The following MEGF11 variants were observed in gnomAD, a reference collection of about 807,000 sequenced individuals.
MEGF11 encodes the protein multiple epidermal growth factor-like domains protein 11.
In MEGF11, 126 loss-of-function variants were observed where a neutral mutation model predicts 146.6. The ratio of observed to expected loss-of-function variants is 0.86; its 90% confidence interval spans 0.74 to 1.00. The LOEUF is 1.00. MEGF11 is among the 50% of genes least tolerant of loss of function. The probability of loss-of-function intolerance (pLI) is 0.00; values close to 1 mark genes in which losing one functional copy is unlikely to be tolerated. For synonymous variants in MEGF11, 532 were observed against 583.4 expected (o/e 0.91, Z 1.27); for missense variants, 1,509 against 1,521.2 (o/e 0.99, Z 0.13).
In MEGF11 at chr15:66,128,408, G is replaced by C. The variant is rs1403343221; in HGVS notation, c.-5C>G. ...CCCCGTCAGGGAGAGCACCATCCCG[G>C]GCCCTGCACAGGAGAACAAAGGAGG... On this transcript the variant is annotated 5_prime_UTR_variant, in exon 2 of 26. Coordinates refer to ENST00000395614, the MANE Select transcript of MEGF11 (RefSeq NM_001385028.1). 6.8e-7 allele frequency: 1 copy of C among 1,477,932 alleles called. No homozygotes were observed. Among genetic ancestry groups the C allele is most frequent in the Middle Eastern group, 1.8e-4 (1 of 5,704 alleles). The allele number at this position is 1,477,932 out of a possible 1,614,324, so 91.6% of individuals were successfully genotyped here. A position where few individuals can be genotyped will look rare whatever the true frequency, so the allele number is the denominator to read the frequency against.
chr15:66,228,684 A>T (rs2091902763), intron 1 of MEGF11, among the ~76,000 whole-genome samples: 1 of 152,066 alleles, frequency 6.6e-6, no homozygotes, highest in Admixed American at 6.5e-5. Flanking sequence ...ACCTTATCAC[A>T]CTGTTGCCAG....
At chr15:66,222,616 G>C (rs996650512) in intron 1 of MEGF11, among the ~76,000 whole-genome samples, 1 of 152,206 alleles carries the variant, frequency 6.6e-6, no homozygotes, top group African/African-American at 2.4e-5. Context: ...CTGGTTTGTA[G>C]TAGGCTGGCT....
intron 1 of MEGF11, among the ~76,000 whole-genome samples, chr15:66,167,471 G>A (rs2090128168): frequency 6.6e-6 from 1 of 151,992 alleles, no homozygotes; most frequent in Non-Finnish European, 1.5e-5. Flanking sequence ...GAGAAACTCC[G>A]TCTCTACTAA....
chr15:66,158,535 G>A (rs894113325), intron 1 of MEGF11, among the ~76,000 whole-genome samples: 11 of 152,182 alleles, frequency 7.2e-5, no homozygotes, highest in Non-Finnish European at 1.2e-4. Flanking sequence ...GCACCCCTCC[G>A]GGGCCCCAAA....
At chr15:66,021,288 A>G (rs937283876) in intron 5 of MEGF11, among the ~76,000 whole-genome samples, 2 of 152,212 alleles carry the variant, frequency 1.3e-5, no homozygotes, top group African/African-American at 2.4e-5. Flanking sequence ...GGCAGGCCAA[A>G]TGTTCCTCTC....
chr15:66,088,383 G>T (rs948690424), intron 5 of MEGF11, among the ~76,000 whole-genome samples: 1 of 152,216 alleles, frequency 6.6e-6, no homozygotes, highest in African/African-American at 2.4e-5. Flanking sequence ...GGGGCTGGGC[G>T]CAATGGCTCA....
At chr15:66,222,710 A>G (rs78421816) in intron 1 of MEGF11, among the ~76,000 whole-genome samples, 3,124 of 152,358 alleles carry the variant, frequency 0.021, 92 homozygotes, top group African/African-American at 0.071. Flanking sequence ...AAGAAGGTAT[A>G]TAAGTGACCA....
chr15:66,039,970 G>T (rs973208071), intron 5 of MEGF11, among the ~76,000 whole-genome samples: 1 of 135,004 alleles, frequency 7.4e-6, no homozygotes, highest in Non-Finnish European at 1.6e-5. Context: ...GTCAGGCGGC[G>T]GTGGGGTGAC....
At chr15:66,118,942 C>A in intron 4 of MEGF11, 144 bp downstream of exon 4, 2 of 617,054 alleles carry the variant, frequency 3.2e-6, no homozygotes, top group East Asian at 2.7e-5. Context: ...TGAGCACTGG[C>A]AGCAGGCAGG....
chr15:65,952,515 TG>T (rs753523476), intron 10 of MEGF11, among the ~76,000 whole-genome samples: 50 of 152,320 alleles, frequency 3.3e-4, no homozygotes, highest in Admixed American at 2.0e-3. Flanking sequence ...GCCTGACCAC[TG>T]TGTCATATGA....
intron 1 of MEGF11, among the ~76,000 whole-genome samples, chr15:66,175,435 A>AGTC (rs2090367481): frequency 1.3e-5 from 2 of 152,218 alleles, no homozygotes; most frequent in African/African-American, 4.8e-5. Flanking sequence ...GCAAAGCTAT[A>AGTC]GTAACCAAAA....
chr15:65,946,704 T>C (rs181350826), intron 10 of MEGF11, among the ~76,000 whole-genome samples: 1 of 152,316 alleles, frequency 6.6e-6, no homozygotes, highest in African/African-American at 2.4e-5. Context: ...GCGTGCTGGT[T>C]CTTATTCTGT....
At chr15:66,011,744 T>G (rs2082718091) in intron 5 of MEGF11, among the ~76,000 whole-genome samples, 1 of 120,978 alleles carries the variant, frequency 8.3e-6, no homozygotes, top group Non-Finnish European at 1.9e-5. Context: ...ATTATTATTA[T>G]TATTAAACAA....
At chr15:65,916,377 T>C (rs1405952017) in intron 17 of MEGF11, 101 bp from the exon 18 acceptor site, 3 of 1,405,854 alleles carry the variant, frequency 2.1e-6, no homozygotes, top group Non-Finnish European at 2.9e-6. Flanking sequence ...TTGCTGAGCA[T>C]GGGATGAAGA....
At chr15:65,898,250 A>G in intron 25 of MEGF11, 156 bp from the exon 26 acceptor site, 2 of 985,420 alleles carry the variant, frequency 2.0e-6, no homozygotes, top group Non-Finnish European at 2.4e-6. Flanking sequence ...TGCTCAGGAG[A>G]TGGAAAACTA....
In MEGF11 at chr15:66,048,720, G is replaced by A. The variant is rs117845173; in HGVS notation, c.394+45682C>T. Among the ~76,000 whole-genome samples the A allele has an allele frequency of 4.7e-3, 710 of 152,316 alleles. 4 individuals carry two copies. The highest frequency in any genetic ancestry group is 8.1e-3 in the Non-Finnish European group (550 of 68,020). On this transcript the variant is annotated intron_variant, in intron 5 of 25. Transcript: ENST00000395614. Reference sequence around the variant, plus strand: ...GGAGGGAAAGGCCTGGCCCTCTAAGGGTCCCAGATGGGCAAGTGAGTCCAC... The same window carrying A: ...GGAGGGAAAGGCCTGGCCCTCTAAGAGTCCCAGATGGGCAAGTGAGTCCAC...
intron 13 of MEGF11, among the ~76,000 whole-genome samples, chr15:65,927,240 A>C (rs1333489062): frequency 6.6e-6 from 1 of 152,120 alleles, no homozygotes; most frequent in Non-Finnish European, 1.5e-5. Flanking sequence ...CTTCAAAACA[A>C]CCCTGTAGTT....
intron 1 of MEGF11, among the ~76,000 whole-genome samples, chr15:66,191,619 G>A (rs2141192644): frequency 6.6e-6 from 1 of 152,316 alleles, no homozygotes; most frequent in South Asian, 2.1e-4. Context: ...CAGGAGCGAT[G>A]AGGGGTGACC....
At chr15:66,003,992 T>C (rs575088738) in intron 5 of MEGF11, among the ~76,000 whole-genome samples, 2 of 152,348 alleles carry the variant, frequency 1.3e-5, no homozygotes, top group African/African-American at 4.8e-5. Context: ...ATTTCTCATA[T>C]GGAAAAGGGG....
Sources: allele counts gnomAD v4.1 joint callset (sites outside exome capture counted in the v4.1 genomes callset), GRCh38; gene constraint gnomAD v4.1.1; transcripts MANE v1.5; gene names NCBI Gene and HGNC (gene_info 2026-07-23, HGNC 2026-07-21).